Variants in ETNK1 observed in about 807,000 individuals in gnomAD.
The protein encoded by ETNK1 is ethanolamine kinase 1.
In ETNK1, 8 loss-of-function variants were observed where a neutral mutation model predicts 45.1. The observed-to-expected ratio is 0.18, with a 90% CI of 0.10 to 0.32. The LOEUF is 0.32. ETNK1 is among the 10% of genes least tolerant of loss of function. The pLI, the probability that ETNK1 is intolerant of heterozygous loss-of-function variation, is 1.00. For synonymous variants in ETNK1, 152 were observed against 151.9 expected, an observed-to-expected ratio of 1.00 and a Z score of -0.01; for missense variants, 302 against 430.6, an observed-to-expected ratio of 0.70 and a Z score of 2.64.
At chr12:22,661,979 T>G (rs1210385150) in intron 4 of ETNK1, among the ~76,000 whole-genome samples, 1 of 152,024 alleles carries the variant, frequency 6.6e-6, no homozygotes, top group Non-Finnish European at 1.5e-5. Context: ...AAAAATAAAA[T>G]TTTGGTTGAA....
At chr12:22,663,885 T>A (rs183847227) in intron 4 of ETNK1, among the ~76,000 whole-genome samples, 2 of 152,094 alleles carry the variant, frequency 1.3e-5, no homozygotes, top group African/African-American at 4.8e-5. Context: ...GGTTTTATAA[T>A]GTTCATTAGG....
chr12:22,661,672 G>A (rs192010252), intron 4 of ETNK1, among the ~76,000 whole-genome samples: 12 of 152,144 alleles, frequency 7.9e-5, no homozygotes, highest in Non-Finnish European at 1.6e-4. Context: ...TCTAGTTATT[G>A]TTGATTTGTT....
intron 2 of ETNK1, chr12:22,656,778 T>G: frequency 8.1e-6 from 8 of 982,948 alleles, no homozygotes; most frequent in Non-Finnish European, 9.7e-6. Flanking sequence ...TATTTTTCAT[T>G]TATTTAAAAA....
intron 6 of ETNK1, among the ~76,000 whole-genome samples, chr12:22,675,978 A>G (rs1024021200): frequency 1.4e-4 from 22 of 152,148 alleles, no homozygotes; most frequent in Non-Finnish European, 1.5e-5. Context: ...TCATTAAGAA[A>G]CATTAAAAGC....
chr12:22,661,962 G>T (rs922991679), intron 4 of ETNK1, among the ~76,000 whole-genome samples: 1 of 151,774 alleles, frequency 6.6e-6, no homozygotes, highest in Admixed American at 6.6e-5. Flanking sequence ...ATGCTAAATT[G>T]AAATTTAAAA....
intron 3 of ETNK1, among the ~76,000 whole-genome samples, chr12:22,660,034 T>TAAAAAAAAAAAAAAAAAA (rs371874842): frequency 4.9e-5 from 6 of 122,574 alleles, no homozygotes; most frequent in South Asian, 2.6e-4. Context: ...ACACTACCTT[T>TAAAAAAAAAAAAAAAAAA]AAAAAAAAAA....
chr12:22,625,514 C>T lies in ETNK1; in HGVS notation c.84C>T (p.Arg28=). The change falls in exon 1 of 8, where the codon CGC becomes CGT. Residue 28 remains arginine, a synonymous_variant. Coordinates refer to ENST00000266517, the MANE Select transcript of ETNK1 (RefSeq NM_018638.5). ...NVTVQDQEEH[R]CREGALSLLQ... ...CCGTTCAGGATCAGGAGGAGCATCGCTGCCGGGAGGGGGCCCTGAGCCTCC... is the reference window on the plus strand; with the variant it reads ...CCGTTCAGGATCAGGAGGAGCATCGTTGCCGGGAGGGGGCCCTGAGCCTCC... 1 of 1,606,684 alleles carries T rather than the reference C, an allele frequency of 6.2e-7. No homozygotes were observed. Among genetic ancestry groups the T allele is most frequent in the Non-Finnish European group, 8.5e-7 (1 of 1,177,178 alleles).
At chr12:22,632,567 TGA>T (rs987589575) in intron 1 of ETNK1, among the ~76,000 whole-genome samples, 14 of 152,070 alleles carry the variant, frequency 9.2e-5, no homozygotes, top group Non-Finnish European at 1.5e-5. Flanking sequence ...TAGAGTGCAG[TGA>T]TGCTATCATA....
At chr12:22,682,199 A>T in intron 6 of ETNK1, 1 of 308,286 alleles carries the variant, frequency 3.2e-6, no homozygotes, top group Non-Finnish European at 6.5e-6. Context: ...CACCAGTGTC[A>T]TCAGAAAAAC....
chr12:22,627,213 A>G (rs1249222724), intron 1 of ETNK1, among the ~76,000 whole-genome samples: 2 of 152,076 alleles, frequency 1.3e-5, no homozygotes, highest in African/African-American at 2.4e-5. Context: ...TTTAGGTGAA[A>G]CTCAGTGAAG....
In ETNK1 at chr12:22,688,132, G is replaced by C. The variant is rs1315555620; in HGVS notation, c.*3178G>C. On this transcript the variant is annotated 3_prime_UTR_variant, in exon 8 of 8. Transcript: ENST00000266517. ...TAATTTAATAATTTCCTATTTTTAGGGTTGTTAATTTTTTTCTACAAAAAA... is the reference window on the plus strand; with the variant it reads ...TAATTTAATAATTTCCTATTTTTAGCGTTGTTAATTTTTTTCTACAAAAAA... 6.6e-6 allele frequency: 1 copy of C among 151,338 alleles called. No homozygotes were observed. Among genetic ancestry groups the C allele is most frequent in the Non-Finnish European group, 1.5e-5 (1 of 67,664 alleles). The allele number at this position is 151,338 out of a possible 1,614,324, so 9.4% of individuals were successfully genotyped here. A position where few individuals can be genotyped will look rare whatever the true frequency, so the allele number is the denominator to read the frequency against.
chr12:22,676,690 T>C (rs1448796699), intron 6 of ETNK1, among the ~76,000 whole-genome samples: 1 of 152,186 alleles, frequency 6.6e-6, no homozygotes, highest in Non-Finnish European at 1.5e-5. Context: ...GACTTTTTAA[T>C]GATCACCATT....
chr12:22,646,439 A>AT (rs1953807935), intron 2 of ETNK1, among the ~76,000 whole-genome samples: 1 of 151,836 alleles, frequency 6.6e-6, no homozygotes, highest in Admixed American at 6.6e-5. Context: ...TGATGTGCTT[A>AT]TTTAGCCCCT....
At chr12:22,660,034 T>TAAAAAA (rs371874842) in intron 3 of ETNK1, among the ~76,000 whole-genome samples, 1 of 122,576 alleles carries the variant, frequency 8.2e-6, no homozygotes. Flanking sequence ...ACACTACCTT[T>TAAAAAA]AAAAAAAAAA....
chr12:22,650,059 T>C (rs780969428), intron 2 of ETNK1, among the ~76,000 whole-genome samples: 8 of 152,076 alleles, frequency 5.3e-5, no homozygotes, highest in Non-Finnish European at 7.4e-5. Context: ...TTGGGGGTGT[T>C]ACTGTAAAAG....
At position 22,688,112 on chromosome 12, in the gene ETNK1, T is replaced by C. The variant is rs1954275047; in HGVS notation, c.*3158T>C. 6.6e-6 allele frequency: 1 copy of C among 151,964 alleles called. No individual in the cohort carries two copies. Among genetic ancestry groups the C allele is most frequent in the Non-Finnish European group, 1.5e-5 (1 of 67,782 alleles). 9.4% of individuals were successfully genotyped at this position (151,964 alleles called of 1,614,324 possible). ...GCTAAAGGAAATTAAAAATGTAATT[T>C]AATAATTTCCTATTTTTAGGGTTGT... On this transcript the variant is annotated 3_prime_UTR_variant, in exon 8 of 8. Coordinates refer to ENST00000266517, the MANE Select transcript of ETNK1 (RefSeq NM_018638.5).
intron 4 of ETNK1, among the ~76,000 whole-genome samples, chr12:22,665,395 T>C (rs1245821238): frequency 6.6e-6 from 1 of 152,202 alleles, no homozygotes; most frequent in African/African-American, 2.4e-5. Context: ...TAGTTTGCTT[T>C]ATTTGTAACT....
At chr12:22,680,890 T>G (rs536659470) in intron 6 of ETNK1, among the ~76,000 whole-genome samples, 1 of 53,228 alleles carries the variant, frequency 1.9e-5, no homozygotes, top group Admixed American at 2.0e-4. Context: ...GAGCTTTTCT[T>G]CCCCCGCCCC....
chr12:22,637,815 T>A (rs1364745287), intron 1 of ETNK1, among the ~76,000 whole-genome samples: 2 of 152,048 alleles, frequency 1.3e-5, no homozygotes, highest in East Asian at 3.9e-4. Context: ...AAATAAAAAA[T>A]CTTATATACT....
Sources: gnomAD v4.1 joint callset for allele counts (sites outside exome capture counted in the v4.1 genomes callset) on GRCh38, gnomAD v4.1.1 for gene constraint, MANE v1.5 for transcripts, NCBI Gene and HGNC (gene_info 2026-07-23, HGNC 2026-07-21) for gene names.